Variants in NRG1 observed in about 807,000 individuals in gnomAD.
NRG1 encodes the protein neuregulin 1.
In NRG1, 18 loss-of-function variants were observed where a neutral mutation model predicts 63.8. That is an observed-to-expected ratio of 0.28 (90% CI 0.19 to 0.42). The LOEUF (loss-of-function observed/expected upper bound fraction) is 0.42. Ranked by LOEUF, NRG1 falls within the 10% of genes least tolerant of loss-of-function variation. The pLI, the probability that NRG1 is intolerant of heterozygous loss-of-function variation, is 1.00. For missense variants in NRG1, 762 were observed against 814.7 expected (o/e 0.94, Z 0.79); for synonymous variants, 302 against 301.3 (o/e 1.00, Z -0.02).
intron 1 of NRG1, among the ~76,000 whole-genome samples, chr8:31,818,874 G>T (rs764392285): frequency 6.6e-6 from 1 of 152,072 alleles, no homozygotes; most frequent in Admixed American, 6.6e-5. Context: ...TGGCTAACAC[G>T]GTGAAACCCT....
chr8:32,672,523 A>G (rs977019301), intron 5 of NRG1, among the ~76,000 whole-genome samples: 6 of 152,212 alleles, frequency 3.9e-5, no homozygotes, highest in African/African-American at 1.2e-4. Context: ...TATTTATAAC[A>G]GCACAACTCT....
intron 1 of NRG1, among the ~76,000 whole-genome samples, chr8:32,588,859 T>A (rs1190554618): frequency 6.6e-6 from 1 of 152,208 alleles, no homozygotes; most frequent in Non-Finnish European, 1.5e-5. Context: ...GCCATCCTCC[T>A]TCCTCAGTAG....
chr8:32,074,885 A>T (rs10111427), intron 1 of NRG1, among the ~76,000 whole-genome samples: 1 of 152,216 alleles, frequency 6.6e-6, no homozygotes, highest in Non-Finnish European at 1.5e-5. Flanking sequence ...TGACCTAACA[A>T]ATTTAATTTT....
At chr8:32,735,774 C>A (rs948959450) in intron 6 of NRG1, among the ~76,000 whole-genome samples, 1 of 152,136 alleles carries the variant, frequency 6.6e-6, no homozygotes, top group Non-Finnish European at 1.5e-5. Flanking sequence ...GCAAGCTGTG[C>A]AAACAGAGAT....
intron 5 of NRG1, among the ~76,000 whole-genome samples, chr8:32,692,571 C>T (rs1272146716): frequency 6.6e-6 from 1 of 152,152 alleles, no homozygotes; most frequent in African/African-American, 2.4e-5. Context: ...GGTCATGGAA[C>T]AAAAATATCC....
intron 1 of NRG1, among the ~76,000 whole-genome samples, chr8:32,407,660 C>T (rs1484807464): frequency 6.6e-6 from 1 of 152,094 alleles, no homozygotes; most frequent in Non-Finnish European, 1.5e-5. Flanking sequence ...GTATCCCTTT[C>T]AGTACATATG....
chr8:32,303,750 T>G (rs1253179098), intron 1 of NRG1, among the ~76,000 whole-genome samples: 1 of 152,224 alleles, frequency 6.6e-6, no homozygotes, highest in Non-Finnish European at 1.5e-5. Flanking sequence ...TAAATTCAGT[T>G]AATATTTAGC....
chr8:32,087,397 C>T (rs984473180), intron 1 of NRG1, among the ~76,000 whole-genome samples: 8 of 151,726 alleles, frequency 5.3e-5, no homozygotes, highest in South Asian at 2.1e-4. Context: ...ATGCTGGAGC[C>T]GTGGTGGTAC....
At chr8:31,875,697 T>C (rs1168772944) in intron 1 of NRG1, among the ~76,000 whole-genome samples, 1 of 152,160 alleles carries the variant, frequency 6.6e-6, no homozygotes, top group East Asian at 1.9e-4. Flanking sequence ...TTCTGGATTG[T>C]GATTGTGTGA....
At chr8:31,873,539 A>G (rs1319156695) in intron 1 of NRG1, among the ~76,000 whole-genome samples, 2 of 152,198 alleles carry the variant, frequency 1.3e-5, no homozygotes, top group African/African-American at 4.8e-5. Flanking sequence ...AGTCTGGGTG[A>G]CACAGCGAGA....
intron 1 of NRG1, among the ~76,000 whole-genome samples, chr8:31,961,593 G>A (rs1409357851): frequency 1.3e-5 from 2 of 152,102 alleles, no homozygotes; most frequent in African/African-American, 2.4e-5. Flanking sequence ...TCACTTCTTT[G>A]ATAAGATACT....
chr8:31,958,921 T>C (rs1410715162), intron 1 of NRG1, among the ~76,000 whole-genome samples: 3 of 152,200 alleles, frequency 2.0e-5, no homozygotes, highest in African/African-American at 7.2e-5. Context: ...ATTAAAAACG[T>C]CTGTGGGACA....
chr8:32,384,612 C>T (rs1810750647), intron 1 of NRG1, among the ~76,000 whole-genome samples: 1 of 152,086 alleles, frequency 6.6e-6, no homozygotes, highest in Non-Finnish European at 1.5e-5. Flanking sequence ...TTTCCTTTGC[C>T]CAAACAAGTG....
intron 1 of NRG1, among the ~76,000 whole-genome samples, chr8:31,716,237 G>A (rs1015839301): frequency 1.3e-5 from 2 of 152,128 alleles, no homozygotes; most frequent in African/African-American, 2.4e-5. Flanking sequence ...CCCTTGGGTT[G>A]TTGTTATTAT....
chr8:32,600,813 A>G (rs536950133), intron 2 of NRG1, among the ~76,000 whole-genome samples: 1 of 152,260 alleles, frequency 6.6e-6, no homozygotes, highest in East Asian at 1.9e-4. Context: ...TTTTTAGAAA[A>G]TAAAAATCCA....
chr8:32,588,194 T>C (rs1393523162), intron 1 of NRG1, among the ~76,000 whole-genome samples: 1 of 152,176 alleles, frequency 6.6e-6, no homozygotes. Context: ...AGAGCTGGGA[T>C]TGCAGGTATG....
chr8:31,654,789 A>T (rs1348996244), intron 1 of NRG1, among the ~76,000 whole-genome samples: 1 of 152,070 alleles, frequency 6.6e-6, no homozygotes, highest in African/African-American at 2.4e-5. Context: ...ACAAAAAATT[A>T]AATTTGCCAG....
chr8:32,229,678 GACA>G (rs914849920), intron 1 of NRG1, among the ~76,000 whole-genome samples: 8 of 152,090 alleles, frequency 5.3e-5, no homozygotes, highest in African/African-American at 1.9e-4. Flanking sequence ...ACGCTGCCAA[GACA>G]ACATTTTCTT....
At chr8:32,181,676 G>A (rs947869969) in intron 1 of NRG1, among the ~76,000 whole-genome samples, 2 of 152,098 alleles carry the variant, frequency 1.3e-5, no homozygotes, top group East Asian at 3.9e-4. Flanking sequence ...TTCTGCCCTG[G>A]TGCACACTTA....
Sources: allele counts gnomAD v4.1 joint callset (sites outside exome capture counted in the v4.1 genomes callset), GRCh38; gene constraint gnomAD v4.1.1; transcripts MANE v1.5; gene names NCBI Gene and HGNC (gene_info 2026-07-23, HGNC 2026-07-21).